TRHDE: variants seen among roughly 807,000 people sequenced by gnomAD.
The protein encoded by TRHDE is thyrotropin releasing hormone degrading enzyme, also known as thyrotropin-releasing hormone-degrading ectoenzyme.
Under a neutral mutation model 125.7 loss-of-function variants are expected in TRHDE, and 72 were observed. That is an observed-to-expected ratio of 0.57 (90% CI 0.47 to 0.70). TRHDE has a LOEUF of 0.70. Among genes scored for constraint, TRHDE ranks in the 30% least tolerant of loss-of-function variants. The probability of loss-of-function intolerance (pLI) is 0.00; values close to 1 mark genes in which losing one functional copy is unlikely to be tolerated. For synonymous variants in TRHDE, 509 were observed against 509.1 expected (o/e 1.00, Z 0.00); for missense variants, 1,110 against 1,327.1 (o/e 0.84, Z 2.54).
chr12:72,508,504 T>G (rs751525233), intron 6 of TRHDE, among the ~76,000 whole-genome samples: 5 of 152,228 alleles, frequency 3.3e-5, no homozygotes, highest in Non-Finnish European at 5.9e-5. Context: ...GTAGTCCCTT[T>G]GTTTCAGCCA....
At chr12:72,509,784 A>T (rs1024069130) in intron 6 of TRHDE, among the ~76,000 whole-genome samples, 6 of 152,214 alleles carry the variant, frequency 3.9e-5, no homozygotes, top group African/African-American at 1.2e-4. Context: ...TCCAATACCT[A>T]TTATACTGCC....
chr12:72,396,565 G>A (rs1378577094), intron 3 of TRHDE, among the ~76,000 whole-genome samples: 1 of 152,058 alleles, frequency 6.6e-6, no homozygotes, highest in Non-Finnish European at 1.5e-5. Flanking sequence ...CCAACATGGG[G>A]AAACCCCATC....
intron 2 of TRHDE, among the ~76,000 whole-genome samples, chr12:72,113,200 G>T (rs1051762325): frequency 2.0e-5 from 3 of 151,446 alleles, no homozygotes; most frequent in Non-Finnish European, 2.9e-5. Flanking sequence ...TTTTTTCTTT[G>T]TAGAGAGAGG....
intron 2 of TRHDE, among the ~76,000 whole-genome samples, chr12:72,151,411 T>G (rs1358498968): frequency 6.6e-6 from 1 of 152,226 alleles, no homozygotes; most frequent in Non-Finnish European, 1.5e-5. Context: ...TAGATCCCAT[T>G]TGTCAATTTT....
intron 2 of TRHDE, among the ~76,000 whole-genome samples, chr12:72,359,957 T>G (rs1870993693): frequency 6.6e-6 from 1 of 151,602 alleles, no homozygotes; most frequent in African/African-American, 2.4e-5. Context: ...CCAGTATAGA[T>G]GAGAACTTGG....
intron 2 of TRHDE, among the ~76,000 whole-genome samples, chr12:72,159,481 G>A (rs1028720903): frequency 6.6e-5 from 10 of 152,194 alleles, no homozygotes; most frequent in Non-Finnish European, 5.9e-5. Context: ...GTATGTAGAT[G>A]ACATGATTCT....
chr12:72,112,307 C>G (rs1181789094), intron 2 of TRHDE, among the ~76,000 whole-genome samples: 1 of 152,182 alleles, frequency 6.6e-6, no homozygotes, highest in Admixed American at 6.6e-5. Flanking sequence ...CTGTGTATTT[C>G]TTAGAGGTCT....
intron 7 of TRHDE, among the ~76,000 whole-genome samples, chr12:72,554,763 C>A (rs1869841110): frequency 6.6e-6 from 1 of 152,170 alleles, no homozygotes; most frequent in South Asian, 2.1e-4. Flanking sequence ...ATACCAGCAG[C>A]AAAAGTGAGA....
At chr12:72,638,939 T>G (rs1873900104) in intron 15 of TRHDE, among the ~76,000 whole-genome samples, 1 of 152,024 alleles carries the variant, frequency 6.6e-6, no homozygotes, top group Non-Finnish European at 1.5e-5. Flanking sequence ...CCCTTAACAT[T>G]TTTTCCTTCA....
intron 3 of TRHDE, among the ~76,000 whole-genome samples, chr12:72,453,454 T>G (rs1025689494): frequency 2.0e-5 from 3 of 152,150 alleles, no homozygotes; most frequent in African/African-American, 7.2e-5. Context: ...AGTTGGAATT[T>G]ATATTTAAAA....
chr12:72,332,434 C>T (rs978272805), intron 2 of TRHDE, among the ~76,000 whole-genome samples: 8 of 152,118 alleles, frequency 5.3e-5, no homozygotes, highest in Non-Finnish European at 1.2e-4. Context: ...CCACTGCGCT[C>T]GGCCCCAAAC....
In TRHDE at chr12:72,358,150, A is replaced by G. The variant is rs561961734; in HGVS notation, c.1189-19845A>G. Among the ~76,000 whole-genome samples the G allele has an allele frequency of 5.4e-4, 82 of 151,712 alleles. 1 individual carries two copies. The highest frequency in any genetic ancestry group is 1.2e-3 in the South Asian group (6 of 4,820). ...TTTACAACATGAATGGTTTAAAATT[A>G]TCAGATGACCACTTTATTGAAGAGT... is the stretch of plus-strand genomic sequence containing the variant. On this transcript the variant is annotated intron_variant, in intron 2 of 18. Transcript: ENST00000261180.
intron 1 of TRHDE, among the ~76,000 whole-genome samples, chr12:72,104,904 T>C (rs1011087462): frequency 3.3e-5 from 5 of 152,198 alleles, no homozygotes; most frequent in Non-Finnish European, 4.4e-5. Context: ...ATCTCTCATC[T>C]TTGCCTCTCT....
chr12:72,532,441 T>C (rs1485796463), intron 6 of TRHDE, among the ~76,000 whole-genome samples: 1 of 151,364 alleles, frequency 6.6e-6, no homozygotes, highest in African/African-American at 2.4e-5. Context: ...TTCATTTTAT[T>C]ATACTTTTGA....
At chr12:72,631,282 G>C (rs1052076560) in intron 15 of TRHDE, among the ~76,000 whole-genome samples, 1 of 151,446 alleles carries the variant, frequency 6.6e-6, no homozygotes, top group African/African-American at 2.4e-5. Context: ...CTATTTCTCA[G>C]GTATACCATC....
intron 2 of TRHDE, among the ~76,000 whole-genome samples, chr12:72,356,374 G>A (rs374827601): frequency 1.3e-5 from 2 of 151,422 alleles, no homozygotes; most frequent in African/African-American, 2.4e-5. Context: ...AGACAACGGG[G>A]TCTACTTGAG....
chr12:72,361,251 C>T (rs1005839204), intron 2 of TRHDE, among the ~76,000 whole-genome samples: 1 of 151,768 alleles, frequency 6.6e-6, no homozygotes, highest in Non-Finnish European at 1.5e-5. Context: ...AATAAAATCC[C>T]ATGGGATTTA....
intron 6 of TRHDE, among the ~76,000 whole-genome samples, chr12:72,520,007 T>C (rs917300681): frequency 1.3e-5 from 2 of 152,192 alleles, no homozygotes; most frequent in African/African-American, 4.8e-5. Context: ...TTCTCAGATG[T>C]CCAGCTGTGT....
intron 6 of TRHDE, among the ~76,000 whole-genome samples, chr12:72,520,872 G>C (rs11179236): frequency 0.07 from 10,671 of 152,174 alleles, 453 homozygotes; most frequent in Middle Eastern, 0.12. Flanking sequence ...GATAAAACTG[G>C]TATTAACTTA....
Sources: allele counts gnomAD v4.1 joint callset (sites outside exome capture counted in the v4.1 genomes callset), GRCh38; gene constraint gnomAD v4.1.1; transcripts MANE v1.5; gene names NCBI Gene and HGNC (gene_info 2026-07-23, HGNC 2026-07-21).